The following EML5 variants were observed in gnomAD, a reference collection of about 807,000 sequenced individuals.
The protein encoded by EML5 is EMAP like 5.
In EML5, 120 loss-of-function variants were observed where a neutral mutation model predicts 250.0. The ratio of observed to expected loss-of-function variants is 0.48; its 90% confidence interval spans 0.41 to 0.56. The LOEUF (loss-of-function observed/expected upper bound fraction) is 0.56. EML5 is among the 20% of genes least tolerant of loss of function. The pLI is 0.00. For synonymous variants in EML5, 771 were observed against 806.5 expected (o/e 0.96, Z 0.75); for missense variants, 2,006 against 2,437.6 (o/e 0.82, Z 3.73).
At chr14:88,758,573 A>C (rs2094195464) in intron 1 of EML5, among the ~76,000 whole-genome samples, 1 of 152,226 alleles carries the variant, frequency 6.6e-6, no homozygotes, top group South Asian at 2.1e-4. Context: ...AACATTGATT[A>C]TGGGATTGTA....
chr14:88,631,066 A>G (rs549380176), intron 33 of EML5, among the ~76,000 whole-genome samples: 6 of 152,346 alleles, frequency 3.9e-5, no homozygotes, highest in African/African-American at 1.4e-4. Flanking sequence ...ATACTACCAG[A>G]GAGTGAGTTT....
At position 88,618,296 on chromosome 14, in the gene EML5, T is replaced by C; in HGVS notation, c.5574A>G (p.Glu1858=). 1.2e-6 allele frequency: 2 copies of C among 1,613,826 alleles called. No homozygotes were observed. The highest frequency in any genetic ancestry group is 1.7e-6 in the Non-Finnish European group (2 of 1,179,864). Residue 1858 remains glutamate (E), a synonymous_variant, in exon 41 of 44, where the codon GAA becomes GAG. Transcript: ENST00000554922. The part of the protein sequence containing the change: ...SSGCYKRHVY[E]VPSGKHLMDH... ...CCATAAGATGTTTTCCTGAAGGCAC[T>C]TCATAGACATGCCGTTTATAGCAGC...
chr14:88,707,271 T>TTTATTTA (rs10684533), intron 10 of EML5, among the ~76,000 whole-genome samples: 2 of 54,810 alleles, frequency 3.6e-5, no homozygotes, highest in African/African-American at 2.0e-4. Context: ...AGGGATATAT[T>TTTATTTA]TTATTTATTT....
At chr14:88,682,150 G>A in intron 20 of EML5, 119 bp from the exon 21 acceptor site, 1 of 1,049,190 alleles carries the variant, frequency 9.5e-7, no homozygotes, top group Non-Finnish European at 1.3e-6. Flanking sequence ...ACCGAATAGT[G>A]AGTAAATCTA....
intron 1 of EML5, among the ~76,000 whole-genome samples, chr14:88,758,977 G>C (rs1364917095): frequency 1.3e-5 from 2 of 152,198 alleles, no homozygotes; most frequent in Non-Finnish European, 1.5e-5. Flanking sequence ...AAGTAGATTA[G>C]TGATTGCCAG....
At chr14:88,616,091 C>T (rs886950025) in intron 43 of EML5, 51 bp downstream of exon 43, 12 of 1,578,750 alleles carry the variant, frequency 7.6e-6, no homozygotes, top group Admixed American at 1.7e-5. Flanking sequence ...TGTATTAAGT[C>T]TCTTAACTAG....
At position 88,712,378 on chromosome 14, in the gene EML5, T is replaced by C; in HGVS notation, c.1550A>G (p.Asp517Gly). The C allele has an allele frequency of 6.2e-7, 1 of 1,613,574 alleles. No homozygotes were observed. Among genetic ancestry groups the C allele is most frequent in the Non-Finnish European group, 8.5e-7 (1 of 1,179,642 alleles). Reference protein sequence around the residue: ...EVNGIWPKYSDINDINSVDGN... With the variant: ...EVNGIWPKYSGINDINSVDGN... ...ATCTACTGAATTTATATCGTTGATA[T>C]CTGAATACTTGGGCCAAATTCCATT... The change falls in exon 10 of 44, where the codon GAT (aspartate) becomes GGT (glycine). Residue 517 changes from aspartate (D) to glycine (G), a missense_variant. By Grantham distance (94) the Asp-to-Gly change is moderately conservative. This residue lies in a region of EML5 where 1,375 missense variants were observed against 1,590.3 expected (regional missense o/e 0.86). Coordinates refer to ENST00000554922, the MANE Select transcript of EML5 (RefSeq NM_183387.3).
intron 35 of EML5, chr14:88,625,840 C>CT (rs2089860054): frequency 6.6e-6 from 1 of 152,168 alleles, no homozygotes; most frequent in South Asian, 2.1e-4. Flanking sequence ...ATAACTTTTC[C>CT]TATAAGTATT....
intron 33 of EML5, 86 bp downstream of exon 33, chr14:88,634,383 G>T: frequency 2.4e-6 from 2 of 848,938 alleles, no homozygotes; most frequent in Non-Finnish European, 3.5e-6. Context: ...ATGCAAGAAC[G>T]GACTAATATA....
intron 2 of EML5, among the ~76,000 whole-genome samples, chr14:88,750,063 T>C (rs1360784604): frequency 1.3e-5 from 2 of 152,182 alleles, no homozygotes; most frequent in Non-Finnish European, 2.9e-5. Flanking sequence ...TGCACTGCAA[T>C]GCAGAGCTGA....
intron 20 of EML5, among the ~76,000 whole-genome samples, chr14:88,682,739 G>C (rs1375521899): frequency 6.6e-6 from 1 of 152,190 alleles, no homozygotes; most frequent in Admixed American, 6.5e-5. Context: ...TGACAGGTGG[G>C]AGATAACTTC....
intron 1 of EML5, among the ~76,000 whole-genome samples, chr14:88,765,861 T>C (rs1240577406): frequency 6.6e-6 from 1 of 152,218 alleles, no homozygotes; most frequent in African/African-American, 2.4e-5. Flanking sequence ...AGTTACTTCA[T>C]GGCATACTGT....
At chr14:88,670,928 A>C (rs1054277784) in intron 21 of EML5, among the ~76,000 whole-genome samples, 4 of 152,200 alleles carry the variant, frequency 2.6e-5, no homozygotes, top group African/African-American at 9.6e-5. Context: ...TTATGTAGAA[A>C]GACTGAACCT....
At chr14:88,710,579 C>G (rs1486980251) in intron 10 of EML5, among the ~76,000 whole-genome samples, 1 of 151,966 alleles carries the variant, frequency 6.6e-6, no homozygotes, top group Non-Finnish European at 1.5e-5. Context: ...CTTTTTTGGC[C>G]TAAGTGGTCT....
At chr14:88,786,408 C>T (rs1286434123) in intron 1 of EML5, among the ~76,000 whole-genome samples, 1 of 152,082 alleles carries the variant, frequency 6.6e-6, no homozygotes, top group African/African-American at 2.4e-5. Flanking sequence ...TGGTTCACTG[C>T]CATATCTCTA....
chr14:88,665,517 T>A (rs765454635), intron 21 of EML5, 28 bp from the exon 22 acceptor site: 2 of 1,612,616 alleles, frequency 1.2e-6, no homozygotes, highest in Admixed American at 1.7e-5. Context: ...TATTAGGCAA[T>A]TTTCCCTTTT....
At chr14:88,704,306 C>G (rs950172789) in intron 13 of EML5, among the ~76,000 whole-genome samples, 2 of 152,158 alleles carry the variant, frequency 1.3e-5, no homozygotes, top group Non-Finnish European at 2.9e-5. Flanking sequence ...ACCTGCTCCC[C>G]CTTTGCCTTC....
At chr14:88,772,883 A>G (rs1276489836) in intron 1 of EML5, among the ~76,000 whole-genome samples, 1 of 152,150 alleles carries the variant, frequency 6.6e-6, no homozygotes, top group Non-Finnish European at 1.5e-5. Flanking sequence ...ATGCTATCAA[A>G]GTCTTTGTCT....
chr14:88,766,484 A>G (rs1192877503), intron 1 of EML5, among the ~76,000 whole-genome samples: 2 of 152,174 alleles, frequency 1.3e-5, no homozygotes, highest in Admixed American at 1.3e-4. Flanking sequence ...TAGCGCTCCC[A>G]GGCTTATTGG....
Sources: gnomAD v4.1 joint callset for allele counts (sites outside exome capture counted in the v4.1 genomes callset) on GRCh38, gnomAD v4.1.1 for gene constraint, gnomAD v4.1.1 regional missense constraint, MANE v1.5 for transcripts, NCBI Gene and HGNC (gene_info 2026-07-23, HGNC 2026-07-21) for gene names.